The following HAAO variants were observed in gnomAD, a reference collection of about 807,000 sequenced individuals.
HAAO encodes 3-hydroxyanthranilate oxygenase.
In HAAO, 49 loss-of-function variants were observed where a neutral mutation model predicts 46.2. The observed-to-expected ratio is 1.06, with a 90% CI of 0.84 to 1.34. The LOEUF (loss-of-function observed/expected upper bound fraction) is 1.34, where lower values mean the gene tolerates loss of function less well. HAAO is among the 40% of genes most tolerant of loss of function. The pLI is 0.00. For synonymous variants in HAAO, 157 were observed against 145.2 expected (o/e 1.08, Z -0.58); for missense variants, 408 against 364.5 (o/e 1.12, Z -0.97).
rs1422876322 is a variant in HAAO, at chr2:42,783,400, C to G, written c.264G>C (p.Arg88Ser). 6.2e-7 allele frequency: 1 copy of G among 1,611,460 alleles called. No individual in the cohort carries two copies. The highest frequency in any genetic ancestry group is 1.7e-5 in the Admixed American group (1 of 59,924). The change falls in exon 4 of 10, where the codon AGG becomes AGC. Residue 88 changes from arginine to serine, a missense_variant. Coordinates refer to ENST00000294973, the MANE Select transcript of HAAO (RefSeq NM_012205.3). Reference sequence around the variant, plus strand: ...CAAACCTCTGTGGTGAGTGGGGCACCCTGGCAGGCAGGAGGAATATCTGCA... The same window carrying G: ...CAAACCTCTGTGGTGAGTGGGGCACGCTGGCAGGCAGGAGGAATATCTGCA... The part of the protein sequence containing the change: ...RQGEIFLLPA[R>S]VPHSPQRFAN...
chr2:42,783,560 C>T (rs1573943712), intron 3 of HAAO, 140 bp from the exon 4 acceptor site: 1 of 681,834 alleles, frequency 1.5e-6, no homozygotes, highest in Non-Finnish European at 2.6e-6. Context: ...CTCTTCTCTG[C>T]CCAGCCTCTA....
At chr2:42,777,303 C>CAAAAAAAAAAAAAAAAAAAAAAAA (rs1215772853) in intron 4 of HAAO, among the ~76,000 whole-genome samples, 6 of 40,216 alleles carry the variant, frequency 1.5e-4, no homozygotes, top group Admixed American at 3.1e-4. Flanking sequence ...ACTCTTATCG[C>CAAAAAAAAAAAAAAAAAAAAAAAA]AAAAAAAAAA....
In HAAO at chr2:42,769,696, C is replaced by T. The variant is rs1283293768; in HGVS notation, c.630+17G>A. 5 of 1,594,030 alleles carry T rather than the reference C, an allele frequency of 3.1e-6. No homozygotes were observed. The highest frequency in any genetic ancestry group is 3.4e-6 in the Non-Finnish European group (4 of 1,169,624). ...CTGCTGTGGGAGGATGCCCCGGATGCCCCAGGACTACATTACCTGGGTCTC... is the reference window on the plus strand; with the variant it reads ...CTGCTGTGGGAGGATGCCCCGGATGTCCCAGGACTACATTACCTGGGTCTC... On this transcript the variant is annotated intron_variant, in intron 7 of 9. Transcript: ENST00000294973.
rs770968296 is a variant in HAAO at position 42,788,580 on chromosome 2, G to A, written c.108C>T (p.Phe36=). ...LMHQEQLKVM[F]IGGPNTRKDY... The stretch of plus-strand genomic sequence containing the variant: ...CCTTCCTGGTGTTGGGGCCTCCGAT[G>A]AACATGACTTTGAGCTGCTCCTGGT... Residue 36 remains phenylalanine, a synonymous_variant, in exon 2 of 10, where the codon TTC becomes TTT. Transcript: ENST00000294973. 4 of 1,598,210 alleles carry A rather than the reference G, an allele frequency of 2.5e-6. No homozygotes were observed. Among genetic ancestry groups the A allele is most frequent in the Admixed American group, 1.7e-5 (1 of 60,012 alleles).
intron 4 of HAAO, among the ~76,000 whole-genome samples, chr2:42,771,362 G>C (rs1232308383): frequency 4.6e-5 from 7 of 151,792 alleles, no homozygotes; most frequent in Admixed American, 1.3e-4. Flanking sequence ...GGGAAGCGGA[G>C]GTTGCAGTGA....
chr2:42,770,465 A>G (rs1671024917), intron 5 of HAAO, 28 bp downstream of exon 5: 16 of 1,463,656 alleles, frequency 1.1e-5, no homozygotes, highest in Non-Finnish European at 1.5e-5. Flanking sequence ...CAGGAAAGCA[A>G]GAGGCAGGGG....
intron 1 of HAAO, among the ~76,000 whole-genome samples, chr2:42,792,203 T>A (rs1672856292): frequency 6.6e-6 from 1 of 152,122 alleles, no homozygotes; most frequent in Admixed American, 6.5e-5. Flanking sequence ...GTGCACCCTG[T>A]CATGTCATCT....
At chr2:42,771,644 C>T (rs1270099061) in intron 4 of HAAO, among the ~76,000 whole-genome samples, 1 of 152,236 alleles carries the variant, frequency 6.6e-6, no homozygotes, top group African/African-American at 2.4e-5. Flanking sequence ...GCTCAGTGAG[C>T]TCCTCCCCCG....
chr2:42,790,807 C>T (rs1672739902), intron 1 of HAAO, among the ~76,000 whole-genome samples: 1 of 152,330 alleles, frequency 6.6e-6, no homozygotes, highest in South Asian at 2.1e-4. Flanking sequence ...GCTGGGATTA[C>T]AGGCATGAGC....
intron 4 of HAAO, 180 bp downstream of exon 4, chr2:42,783,134 C>T (rs1475167973): frequency 3.4e-6 from 2 of 595,182 alleles, no homozygotes; most frequent in Non-Finnish European, 6.0e-6. Flanking sequence ...CCACTCTACC[C>T]CTCCACCATC....
intron 4 of HAAO, among the ~76,000 whole-genome samples, chr2:42,777,986 T>C (rs184652074): frequency 5.6e-4 from 81 of 145,490 alleles, no homozygotes; most frequent in African/African-American, 1.9e-3. Context: ...CATAATTTCA[T>C]ATGAGAAAGA....
At chr2:42,768,258 G>A (rs1055160160) in intron 7 of HAAO, among the ~76,000 whole-genome samples, 1 of 152,214 alleles carries the variant, frequency 6.6e-6, no homozygotes, top group Non-Finnish European at 1.5e-5. Context: ...TTCCCAGAGG[G>A]TGCCACCTCC....
chr2:42,790,180 A>G (rs890063180), intron 1 of HAAO, among the ~76,000 whole-genome samples: 1 of 152,112 alleles, frequency 6.6e-6, no homozygotes, highest in Admixed American at 6.5e-5. Context: ...AAGACGGAAG[A>G]GCCAGTCTCT....
intron 4 of HAAO, among the ~76,000 whole-genome samples, chr2:42,778,704 A>G (rs1671769090): frequency 1.3e-5 from 2 of 152,184 alleles, no homozygotes; most frequent in African/African-American, 4.8e-5. Context: ...CAATCAAAAT[A>G]AACTGCATTC....
chr2:42,782,953 G>A, intron 4 of HAAO: 2 of 447,258 alleles, frequency 4.5e-6, no homozygotes, highest in African/African-American at 2.0e-5. Context: ...TCCTGAGGCT[G>A]TGTCACGGGC....
chr2:42,771,126 C>T (rs528116396), intron 4 of HAAO, among the ~76,000 whole-genome samples: 97 of 152,252 alleles, frequency 6.4e-4, no homozygotes, highest in Non-Finnish European at 7.8e-4. Context: ...CCTGTAATCC[C>T]AGCACTTTGG....
At chr2:42,776,290 A>T (rs964665783) in intron 4 of HAAO, among the ~76,000 whole-genome samples, 1 of 129,128 alleles carries the variant, frequency 7.7e-6, no homozygotes, top group Non-Finnish European at 1.5e-5. Flanking sequence ...CCCAGGCTGG[A>T]ATGCAATGGT....
At chr2:42,782,271 G>C (rs1672059740) in intron 4 of HAAO, among the ~76,000 whole-genome samples, 1 of 152,152 alleles carries the variant, frequency 6.6e-6, no homozygotes, top group African/African-American at 2.4e-5. Context: ...ACGTACCTAA[G>C]CCACTTTCAT....
Position 42,783,794 on chromosome 2 carries a change from C to A in HAAO, c.233G>T (p.Arg78Leu), listed in dbSNP as rs780063763. The change falls in exon 3 of 10, where the codon CGG (arginine) becomes CTG (leucine). Residue 78 changes from arginine to leucine, a missense_variant. Coordinates refer to ENST00000294973, the MANE Select transcript of HAAO (RefSeq NM_012205.3). ...GGGATCCGGCCTCACCTCTCCCTGC[C>A]GAATGACCACATCCCGGTGTTTCCC... ...EQGKHRDVVI[R>L]QGEIFLLPAR... The A allele has an allele frequency of 6.2e-7, 1 of 1,612,224 alleles. No individual in the cohort carries two copies. Among genetic ancestry groups the A allele is most frequent in the Non-Finnish European group, 8.5e-7 (1 of 1,179,202 alleles).
Sources: allele counts gnomAD v4.1 joint callset (sites outside exome capture counted in the v4.1 genomes callset), GRCh38; gene constraint gnomAD v4.1.1; transcripts MANE v1.5; gene names NCBI Gene and HGNC (gene_info 2026-07-23, HGNC 2026-07-21).